GLI3: variants seen among roughly 807,000 people sequenced by gnomAD.
The protein encoded by GLI3 is GLI family zinc finger 3.
In GLI3, 20 loss-of-function variants were observed where a neutral mutation model predicts 100.8. The observed-to-expected ratio is 0.20, with a 90% confidence interval of 0.14 to 0.29. The LOEUF (loss-of-function observed/expected upper bound fraction) is 0.29. Among genes scored for constraint, GLI3 ranks in the 10% least tolerant of loss-of-function variants. GLI3 has a pLI of 1.00. For synonymous variants in GLI3, 938 were observed against 860.5 expected, an observed-to-expected ratio of 1.09 and a Z score of -1.58; for missense variants, 2,040 against 2,128.5, an observed-to-expected ratio of 0.96 and a Z score of 0.82.
intron 3 of GLI3, among the ~76,000 whole-genome samples, chr7:42,079,351 G>C (rs1485258615): frequency 1.3e-5 from 2 of 152,114 alleles, no homozygotes; most frequent in African/African-American, 4.8e-5. Context: ...GTCATCTTTT[G>C]CACTCGTTTG....
intron 2 of GLI3, among the ~76,000 whole-genome samples, chr7:42,181,437 T>C (rs3779170): frequency 0.47 from 71,423 of 151,474 alleles, 18,392 homozygotes; most frequent in African/African-American, 0.69. Context: ...CCTGTCTCTA[T>C]AAAAAAATCC....
At position 42,214,823 on chromosome 7, in the gene GLI3, G is replaced by C. The variant is rs1218486206; in HGVS notation, c.124+8307C>G. Among the ~76,000 whole-genome samples the C allele has an allele frequency of 2.1e-5, 3 of 145,062 alleles. No individual in the cohort carries two copies. The East Asian group carries it at 6.0e-4, about 29-fold the overall frequency. ...GTCTTGTAGTTTTAAACATAAAACG[G>C]AATTTTAAATTGGCCTAAAATGTAC... On this transcript the variant is annotated intron_variant, in intron 2 of 14. Transcript: ENST00000395925.
intron 10 of GLI3, among the ~76,000 whole-genome samples, chr7:42,001,194 G>A (rs563763118): frequency 3.1e-5 from 4 of 129,208 alleles, no homozygotes; most frequent in South Asian, 2.4e-4. Flanking sequence ...GCAGTGAGCC[G>A]AGATCACACT....
intron 2 of GLI3, among the ~76,000 whole-genome samples, chr7:42,155,455 A>G (rs1234388720): frequency 6.6e-6 from 1 of 151,208 alleles, no homozygotes; most frequent in Non-Finnish European, 1.5e-5. Flanking sequence ...AAAAAAAAAG[A>G]AAGAAAAAGA....
intron 3 of GLI3, among the ~76,000 whole-genome samples, chr7:42,083,091 T>C (rs972618844): frequency 6.6e-6 from 1 of 152,202 alleles, no homozygotes; most frequent in Non-Finnish European, 1.5e-5. Context: ...ACAATTACAT[T>C]GCTTTTGACT....
At chr7:42,245,332 T>C (rs1487365204) in intron 1 of GLI3, among the ~76,000 whole-genome samples, 2 of 152,172 alleles carry the variant, frequency 1.3e-5, no homozygotes, top group Non-Finnish European at 2.9e-5. Flanking sequence ...TTCTCAGTCA[T>C]ATATTTTTGG....
chr7:42,228,955 GAAA>G (rs996242414), intron 1 of GLI3, among the ~76,000 whole-genome samples: 6 of 152,142 alleles, frequency 3.9e-5, no homozygotes, highest in African/African-American at 1.2e-4. Context: ...GGGAACGTGA[GAAA>G]AAATTAGCTT....
At chr7:42,040,636 C>G (rs952786875) in intron 6 of GLI3, among the ~76,000 whole-genome samples, 13 of 151,952 alleles carry the variant, frequency 8.6e-5, no homozygotes, top group Non-Finnish European at 1.0e-4. Context: ...CCCACCCCAA[C>G]ACACACCATT....
chr7:42,013,054 A>G lies in GLI3; in HGVS notation c.1497+10414T>C, dbSNP rs374600577. On this transcript the variant is annotated intron_variant, in intron 10 of 14. Transcript: ENST00000395925. The stretch of plus-strand genomic sequence containing the variant: ...TAAGATTGGGCCGGTTATGTTAGAG[A>G]CATGGTTGACCGGAGAGAGTCCTGT... Among the ~76,000 whole-genome samples the G allele has an allele frequency of 7.9e-5, 12 of 152,344 alleles. No individual in the cohort carries two copies. In the South Asian group the frequency reaches 2.3e-3, roughly 29 times the overall value.
chr7:42,006,898 T>C (rs969730208), intron 10 of GLI3, among the ~76,000 whole-genome samples: 1 of 152,194 alleles, frequency 6.6e-6, no homozygotes, highest in Non-Finnish European at 1.5e-5. Flanking sequence ...TCTAAATTTC[T>C]TAATACATTT....
intron 1 of GLI3, among the ~76,000 whole-genome samples, chr7:42,254,049 A>G (rs978247436): frequency 6.6e-6 from 1 of 151,980 alleles, no homozygotes; most frequent in African/African-American, 2.4e-5. Context: ...GTGAAACCCT[A>G]TCTTTGCTAA....
Position 42,172,437 on chromosome 7 carries a change from T to A in GLI3, c.125-23969A>T, listed in dbSNP as rs867652264. The stretch of plus-strand genomic sequence containing the variant: ...TCTATCAAAAAGCAGAATTAGATAG[T>A]AAGATGAAAAAGGATAAACTTTTTT... On this transcript the variant is annotated intron_variant, in intron 2 of 14. Coordinates refer to ENST00000395925, the MANE Select transcript of GLI3 (RefSeq NM_000168.6). 35 of 629,138 alleles carry A rather than the reference T, an allele frequency of 5.6e-5. No individual in the cohort carries two copies. In the Middle Eastern group the frequency reaches 3.8e-3, roughly 67 times the overall value. The allele number at this position is 629,138 out of a possible 1,614,324, so 39.0% of individuals were successfully genotyped here. A position where few individuals can be genotyped will look rare whatever the true frequency, so the allele number is the denominator to read the frequency against.
At chr7:41,970,285 GT>G (rs1471865247) in intron 13 of GLI3, among the ~76,000 whole-genome samples, 2 of 152,016 alleles carry the variant, frequency 1.3e-5, no homozygotes, top group Non-Finnish European at 2.9e-5. Flanking sequence ...TCAAAGACAT[GT>G]TTTTTAAAGA....
chr7:42,249,456 T>C (rs1199957510), intron 1 of GLI3, among the ~76,000 whole-genome samples: 1 of 152,208 alleles, frequency 6.6e-6, no homozygotes, highest in Admixed American at 6.5e-5. Context: ...TGGAAGGCCA[T>C]ATTTAGTCTG....
chr7:42,179,956 G>A (rs1476884650), intron 2 of GLI3, among the ~76,000 whole-genome samples: 2 of 152,230 alleles, frequency 1.3e-5, no homozygotes, highest in Admixed American at 1.3e-4. Context: ...GTGAAGTTTG[G>A]ATGGGAGAGA....
At chr7:42,051,441 T>C (rs576469252) in intron 4 of GLI3, among the ~76,000 whole-genome samples, 6 of 152,104 alleles carry the variant, frequency 3.9e-5, no homozygotes, top group South Asian at 2.1e-4. Flanking sequence ...CACACACACA[T>C]ATATACAAAT....
intron 3 of GLI3, among the ~76,000 whole-genome samples, chr7:42,136,882 T>C (rs1207966357): frequency 2.6e-5 from 4 of 152,176 alleles, no homozygotes; most frequent in African/African-American, 7.2e-5. Context: ...GCTGGGCTGA[T>C]CCCAAACCAC....
intron 2 of GLI3, 91 bp downstream of exon 2, chr7:42,223,039 T>C (rs1788516990): frequency 7.3e-7 from 1 of 1,371,552 alleles, no homozygotes; most frequent in Non-Finnish European, 1.0e-6. Flanking sequence ...GAACAAACAC[T>C]GGTCCAGGTG....
At chr7:42,166,650 CTTTTTTTTT>C (rs1203814510) in intron 2 of GLI3, among the ~76,000 whole-genome samples, 4 of 80,244 alleles carry the variant, frequency 5.0e-5, no homozygotes, top group Non-Finnish European at 6.7e-5. Context: ...GTTCTGATTC[CTTTTTTTTT>C]TTTTTTTTTT....
Sources: allele counts gnomAD v4.1 joint callset (sites outside exome capture counted in the v4.1 genomes callset), GRCh38; gene constraint gnomAD v4.1.1; transcripts MANE v1.5; gene names NCBI Gene and HGNC (gene_info 2026-07-23, HGNC 2026-07-21).